HHAT: variants seen among roughly 807,000 people sequenced by gnomAD.
HHAT encodes the protein hedgehog acyltransferase, also known as protein-cysteine N-palmitoyltransferase HHAT.
In HHAT, 47 loss-of-function variants were observed where a neutral mutation model predicts 70.8. That is an observed-to-expected ratio of 0.66 (90% CI 0.53 to 0.85). The LOEUF is 0.85. Ranked by LOEUF, HHAT falls within the 40% of genes least tolerant of loss-of-function variation. The pLI is 0.00. For missense variants in HHAT, 609 were observed against 604.8 expected, an observed-to-expected ratio of 1.01 and a Z score of -0.07; for synonymous variants, 228 against 247.6, an observed-to-expected ratio of 0.92 and a Z score of 0.74.
chr1:210,424,456 G>A (rs1649171584), intron 7 of HHAT, among the ~76,000 whole-genome samples: 1 of 145,026 alleles, frequency 6.9e-6, no homozygotes, highest in Admixed American at 6.9e-5. Context: ...AACTCTCTGT[G>A]TTCAGGGGTA....
intron 9 of HHAT, among the ~76,000 whole-genome samples, chr1:210,555,156 A>C (rs987858979): frequency 2.0e-5 from 3 of 152,218 alleles, no homozygotes; most frequent in African/African-American, 7.2e-5. Context: ...CATTTGCCAC[A>C]AAGAGAAACT....
intron 8 of HHAT, among the ~76,000 whole-genome samples, chr1:210,488,812 G>C (rs2094510113): frequency 6.6e-6 from 1 of 152,190 alleles, no homozygotes; most frequent in East Asian, 1.9e-4. Context: ...AGGATCATTT[G>C]AGCCCCTGAG....
Position 210,418,196 on chromosome 1 carries a change from G to A in HHAT, c.727G>A (p.Val243Ile), listed in dbSNP as rs2092782362. 1 of 1,614,076 alleles carries A rather than the reference G, an allele frequency of 6.2e-7. No individual in the cohort carries two copies. ...TGACTCCCTGAAGGCCAGCCTGTGT[G>A]TCCTGGCCCTGGGGCTGGGCCGCCT... is the stretch of plus-strand genomic sequence containing the variant. Reference protein sequence around the residue: ...EHDSLKASLCVLALGLGRLLC... With the variant: ...EHDSLKASLCILALGLGRLLC... Residue 243 changes from valine (V) to isoleucine (I), a missense_variant, in exon 7 of 12, where the codon GTC (valine) becomes ATC (isoleucine). Coordinates refer to ENST00000261458, the MANE Select transcript of HHAT (RefSeq NM_018194.6).
At chr1:210,626,183 G>A (rs1210867613) in intron 11 of HHAT, among the ~76,000 whole-genome samples, 1 of 152,150 alleles carries the variant, frequency 6.6e-6, no homozygotes, top group Non-Finnish European at 1.5e-5. Context: ...GAAACCCCAG[G>A]GAATGCTGGT....
intron 11 of HHAT, among the ~76,000 whole-genome samples, chr1:210,625,983 G>A (rs1257206221): frequency 6.6e-6 from 1 of 152,162 alleles, no homozygotes; most frequent in Admixed American, 6.5e-5. Flanking sequence ...GCTGTCTATG[G>A]CACAGCAGGA....
chr1:210,616,625 CAA>C (rs1406783679), intron 10 of HHAT, among the ~76,000 whole-genome samples: 11 of 152,284 alleles, frequency 7.2e-5, no homozygotes, highest in Admixed American at 5.2e-4. Context: ...GTATGGCACT[CAA>C]GAGGCAAAGA....
chr1:210,595,446 A>T (rs141828820), intron 10 of HHAT, among the ~76,000 whole-genome samples: 146,508 of 152,292 alleles, frequency 0.96, 70,716 homozygotes, highest in East Asian at 1. Flanking sequence ...CTGTCTTTAT[A>T]GCAGCATGAC....
At chr1:210,489,392 G>A (rs910584253) in intron 8 of HHAT, among the ~76,000 whole-genome samples, 1 of 152,134 alleles carries the variant, frequency 6.6e-6, no homozygotes, top group African/African-American at 2.4e-5. Flanking sequence ...GAGGCTGTCA[G>A]CTTAATGCCA....
intron 7 of HHAT, among the ~76,000 whole-genome samples, chr1:210,448,220 T>C (rs560684167): frequency 8.4e-4 from 128 of 152,200 alleles, no homozygotes; most frequent in Non-Finnish European, 1.5e-3. Context: ...TAGCTGGGAC[T>C]GCAGGCGCCT....
chr1:210,524,675 A>G (rs1001315713), intron 9 of HHAT, among the ~76,000 whole-genome samples: 12 of 152,120 alleles, frequency 7.9e-5, no homozygotes, highest in Non-Finnish European at 1.6e-4. Context: ...TACATTTTCA[A>G]AAGTCACTCT....
At chr1:210,480,680 G>A (rs1223250991) in intron 8 of HHAT, among the ~76,000 whole-genome samples, 2 of 152,200 alleles carry the variant, frequency 1.3e-5, no homozygotes, top group African/African-American at 4.8e-5. Context: ...AAACCTGGCA[G>A]CTGTCTACCT....
intron 8 of HHAT, among the ~76,000 whole-genome samples, chr1:210,471,345 G>A (rs187663092): frequency 7.2e-5 from 11 of 152,218 alleles, no homozygotes; most frequent in East Asian, 1.9e-4. Context: ...AGAAAGAAGA[G>A]TGTTTGCCTT....
At chr1:210,635,521 G>T (rs1052023917) in intron 11 of HHAT, among the ~76,000 whole-genome samples, 1 of 152,076 alleles carries the variant, frequency 6.6e-6, no homozygotes, top group Admixed American at 6.5e-5. Context: ...AGGGGGAGGC[G>T]GTGGGAAAGA....
chr1:210,408,264 C>A (rs1258805164), intron 6 of HHAT, among the ~76,000 whole-genome samples: 1 of 152,130 alleles, frequency 6.6e-6, no homozygotes, highest in East Asian at 1.9e-4. Context: ...CTCATCGCAA[C>A]CTCCACCTCC....
chr1:210,518,093 A>G (rs972654498), intron 9 of HHAT, among the ~76,000 whole-genome samples: 4 of 152,140 alleles, frequency 2.6e-5, no homozygotes, highest in Non-Finnish European at 5.9e-5. Flanking sequence ...TTGTGGTGAG[A>G]ACATCCAAAA....
intron 9 of HHAT, among the ~76,000 whole-genome samples, chr1:210,531,146 T>C (rs2095310454): frequency 6.6e-6 from 1 of 152,224 alleles, no homozygotes; most frequent in Non-Finnish European, 1.5e-5. Flanking sequence ...CAGGCAGTTG[T>C]AATATGATGT....
At chr1:210,572,604 C>A (rs143103448) in intron 9 of HHAT, among the ~76,000 whole-genome samples, 233 of 152,236 alleles carry the variant, frequency 1.5e-3, no homozygotes, top group African/African-American at 5.3e-3. Context: ...CTACAAGTAA[C>A]CTCCTTTGGC....
Position 210,492,288 on chromosome 1 carries a change from A to T in HHAT, c.1008-20865A>T, listed in dbSNP as rs143143766. Among the ~76,000 whole-genome samples, 5 of 152,290 alleles carry T rather than the reference A, an allele frequency of 3.3e-5. No homozygotes were observed. The East Asian group carries it at 9.6e-4, about 29-fold the overall frequency. On this transcript the variant is annotated intron_variant, in intron 8 of 11. Coordinates refer to ENST00000261458, the MANE Select transcript of HHAT (RefSeq NM_018194.6). ...TCATCTTTCTCTCCTACCATTTATG[A>T]TACAGCACAATAATGGTCTGTTTAC... is the stretch of plus-strand genomic sequence containing the variant.
chr1:210,549,571 A>C (rs1342293613), intron 9 of HHAT, among the ~76,000 whole-genome samples: 1 of 149,070 alleles, frequency 6.7e-6, no homozygotes, highest in Non-Finnish European at 1.5e-5. Flanking sequence ...GGGTCTGGTA[A>C]TAAGGAGACC....
Sources: gnomAD v4.1 joint callset for allele counts (sites outside exome capture counted in the v4.1 genomes callset) on GRCh38, gnomAD v4.1.1 for gene constraint, MANE v1.5 for transcripts, NCBI Gene and HGNC (gene_info 2026-07-23, HGNC 2026-07-21) for gene names.